IL1R1: variants seen among roughly 807,000 people sequenced by gnomAD.
IL1R1 encodes interleukin 1 receptor type 1.
A neutral mutation model predicts 50.2 loss-of-function variants in IL1R1; 22 were observed. The observed-to-expected ratio is 0.44, with a 90% CI of 0.31 to 0.63. IL1R1 has a LOEUF of 0.63. IL1R1 is among the 20% of genes least tolerant of loss of function. The pLI is 0.07. For missense variants in IL1R1, 509 were observed against 676.2 expected, an observed-to-expected ratio of 0.75 and a Z score of 2.74; for synonymous variants, 251 against 236.7, an observed-to-expected ratio of 1.06 and a Z score of -0.55.
chr2:102,132,246 T>G (rs1463125547), intron 1 of IL1R1, among the ~76,000 whole-genome samples: 1 of 151,254 alleles, frequency 6.6e-6, no homozygotes, highest in Non-Finnish European at 1.5e-5. Flanking sequence ...ATCCAAAGGA[T>G]AGAGCACCAG....
chr2:102,175,860 T>G, intron 11 of IL1R1: 1 of 613,218 alleles, frequency 1.6e-6, no homozygotes, highest in East Asian at 2.7e-5. Context: ...CATTTAGTTT[T>G]GAAAAACTTA....
intron 1 of IL1R1, among the ~76,000 whole-genome samples, chr2:102,098,967 G>A (rs1680018568): frequency 6.6e-6 from 1 of 152,092 alleles, no homozygotes; most frequent in African/African-American, 2.4e-5. Flanking sequence ...GCATTTATTG[G>A]GTTGTGACTC....
At chr2:102,086,585 GGCT>G (rs1364663794) in intron 1 of IL1R1, among the ~76,000 whole-genome samples, 1 of 151,750 alleles carries the variant, frequency 6.6e-6, no homozygotes, top group African/African-American at 2.4e-5. Flanking sequence ...CAGAGCCAGG[GGCT>G]CTGTTTATTT....
chr2:102,125,371 G>A (rs755842376), intron 1 of IL1R1, among the ~76,000 whole-genome samples: 3 of 152,120 alleles, frequency 2.0e-5, no homozygotes, highest in Non-Finnish European at 4.4e-5. Context: ...ATTTAGACTG[G>A]CACAAACAAT....
Position 102,107,911 on chromosome 2 carries a change from A to G in IL1R1, c.-84+3039A>G, listed in dbSNP as rs528482873. ...GAGAGAACTGGATGCTTTTGCTCTG[A>G]ATTTTTACCGATTGAGTAACCTGGG... On this transcript the variant is annotated intron_variant, in intron 1 of 10. Coordinates refer to the IL1R1 transcript ENST00000409329. Among the ~76,000 whole-genome samples, 6 of 152,216 alleles carry G rather than the reference A, an allele frequency of 3.9e-5. 1 individual carries two copies. Among genetic ancestry groups the G allele is most frequent in the African/African-American group, 1.4e-4 (6 of 41,542 alleles).
chr2:102,137,607 A>C (rs995817955), intron 1 of IL1R1, among the ~76,000 whole-genome samples: 1 of 152,184 alleles, frequency 6.6e-6, no homozygotes, highest in South Asian at 2.1e-4. Context: ...TGAGTGTTCT[A>C]AGAGTCCCAG....
At chr2:102,172,497 C>A in intron 8 of IL1R1, 190 bp from the exon 9 acceptor site, 1 of 1,152,858 alleles carries the variant, frequency 8.7e-7, no homozygotes, top group African/African-American at 1.6e-5. Flanking sequence ...CTGTTACTGA[C>A]AGTGGTCTTG....
At chr2:102,174,562 T>C in intron 9 of IL1R1, 25 bp from the exon 10 acceptor site, 1 of 1,527,582 alleles carries the variant, frequency 6.5e-7, no homozygotes, top group Non-Finnish European at 8.8e-7. Context: ...ATATTTTTTC[T>C]CCTTTTTTTT....
Position 102,166,274 on chromosome 2 carries a change from T to C in IL1R1, c.648T>C (p.Ile216=), listed in dbSNP as rs138674831. 8.1e-6 allele frequency: 13 copies of C among 1,612,114 alleles called. No homozygotes were observed. Among genetic ancestry groups the C allele is most frequent in the Non-Finnish European group, 1.1e-5 (13 of 1,178,614 alleles). ...QYPITRVIEF[I]TLEENKPTRP... is the part of the protein sequence containing the mutation. ...CTATTACCCGGGTAATAGAATTTAT[T>C]ACTCTAGGTGAGTCATAGCTCCAGC... The change falls in exon 6 of 12, where the codon ATT becomes ATC. Residue 216 remains isoleucine (I), a synonymous_variant. Transcript: ENST00000410023.
chr2:102,112,682 T>C (rs979332117), intron 1 of IL1R1, among the ~76,000 whole-genome samples: 1 of 152,226 alleles, frequency 6.6e-6, no homozygotes, highest in Non-Finnish European at 1.5e-5. Flanking sequence ...AATGTAGTCA[T>C]AAAACTTGAA....
chr2:102,114,366 A>G (rs1464398706), intron 1 of IL1R1, among the ~76,000 whole-genome samples: 1 of 152,248 alleles, frequency 6.6e-6, no homozygotes, highest in Non-Finnish European at 1.5e-5. Flanking sequence ...CTGCTAAAGA[A>G]TCTGTAAAAC....
At chr2:102,146,761 C>T (rs533986580) in intron 1 of IL1R1, among the ~76,000 whole-genome samples, 12 of 152,332 alleles carry the variant, frequency 7.9e-5, no homozygotes, top group African/African-American at 1.9e-4. Flanking sequence ...TCAGTATGAA[C>T]GTCTGTGAGA....
intron 1 of IL1R1, among the ~76,000 whole-genome samples, chr2:102,109,707 C>T (rs1680635067): frequency 6.6e-6 from 1 of 152,202 alleles, no homozygotes; most frequent in Admixed American, 6.5e-5. Flanking sequence ...CAGATCCTCC[C>T]TGGCAGGACC....
intron 7 of IL1R1, among the ~76,000 whole-genome samples, chr2:102,170,647 G>A (rs927340750): frequency 6.6e-6 from 1 of 152,122 alleles, no homozygotes; most frequent in African/African-American, 2.4e-5. Flanking sequence ...ACCAGTAAAT[G>A]TCTTAGAAGT....
intron 1 of IL1R1, among the ~76,000 whole-genome samples, chr2:102,125,198 T>C (rs1162427964): frequency 1.3e-5 from 2 of 152,338 alleles, no homozygotes; most frequent in Non-Finnish European, 2.9e-5. Context: ...GCCTTTACTC[T>C]GTAGAGTGTC....
intron 1 of IL1R1, among the ~76,000 whole-genome samples, chr2:102,148,221 TCC>T (rs994106230): frequency 6.6e-6 from 1 of 152,188 alleles, no homozygotes; most frequent in Non-Finnish European, 1.5e-5. Flanking sequence ...ACTACAGTGG[TCC>T]CCAGCACGCT....
intron 1 of IL1R1, among the ~76,000 whole-genome samples, chr2:102,110,144 T>C (rs777362271): frequency 3.3e-5 from 5 of 152,188 alleles, no homozygotes; most frequent in Non-Finnish European, 7.3e-5. Context: ...GCGAGTCTTG[T>C]TAATAGTTTC....
intron 1 of IL1R1, among the ~76,000 whole-genome samples, chr2:102,071,332 C>A (rs1235509844): frequency 6.6e-6 from 1 of 152,200 alleles, no homozygotes; most frequent in Admixed American, 6.5e-5. Context: ...TCACACATAT[C>A]ATTCCTTAAC....
intron 1 of IL1R1, among the ~76,000 whole-genome samples, chr2:102,110,681 C>T (rs1183093052): frequency 6.6e-6 from 1 of 151,756 alleles, no homozygotes; most frequent in Admixed American, 6.6e-5. Context: ...TTTGTTGACT[C>T]AGGTTGGGCA....
Sources: allele counts gnomAD v4.1 joint callset (sites outside exome capture counted in the v4.1 genomes callset), GRCh38; gene constraint gnomAD v4.1.1; transcripts MANE v1.5; gene names NCBI Gene and HGNC (gene_info 2026-07-23, HGNC 2026-07-21).